Variants in RAB30 observed in about 807,000 individuals in gnomAD.
The protein encoded by RAB30 is RAB30, member RAS oncogene family.
A neutral mutation model predicts 25.1 loss-of-function variants in RAB30; 9 were observed. That is an observed-to-expected ratio of 0.36 (90% CI 0.22 to 0.63). The LOEUF (loss-of-function observed/expected upper bound fraction) is 0.63. Among genes scored for constraint, RAB30 ranks in the 20% least tolerant of loss-of-function variants. RAB30 has a pLI of 0.69. For synonymous variants in RAB30, 77 were observed against 86.4 expected, an observed-to-expected ratio of 0.89 and a Z score of 0.60; for missense variants, 140 against 243.5, an observed-to-expected ratio of 0.58 and a Z score of 2.83.
intron 1 of RAB30, among the ~76,000 whole-genome samples, chr11:83,063,985 T>C (rs1254364469): frequency 2.0e-5 from 3 of 152,158 alleles, no homozygotes; most frequent in Admixed American, 6.5e-5. Context: ...CTAGTACACA[T>C]ATGGGGAAAA....
intron 1 of RAB30, among the ~76,000 whole-genome samples, chr11:83,060,793 GT>G (rs1173451236): frequency 6.6e-6 from 1 of 152,136 alleles, no homozygotes; most frequent in Non-Finnish European, 1.5e-5. Context: ...CTGCAAGACT[GT>G]TTCCAGAGGA....
chr11:83,016,622 T>C (rs1347980192), intron 1 of RAB30, among the ~76,000 whole-genome samples: 1 of 152,116 alleles, frequency 6.6e-6, no homozygotes, highest in Non-Finnish European at 1.5e-5. Flanking sequence ...ACAAATAACA[T>C]TGGTAGGCAG....
chr11:82,986,307 G>T (rs1015022191), intron 4 of RAB30, among the ~76,000 whole-genome samples: 19 of 152,264 alleles, frequency 1.2e-4, no homozygotes, highest in African/African-American at 4.6e-4. Flanking sequence ...TGTAGAAGGG[G>T]ATTCACTATA....
At chr11:83,003,917 G>A (rs1397763173) in intron 1 of RAB30, among the ~76,000 whole-genome samples, 2 of 152,054 alleles carry the variant, frequency 1.3e-5, no homozygotes, top group African/African-American at 4.8e-5. Flanking sequence ...TTCAACATTT[G>A]TTCATATGAC....
chr11:83,008,270 C>T (rs935862315), intron 1 of RAB30, among the ~76,000 whole-genome samples: 5 of 152,190 alleles, frequency 3.3e-5, no homozygotes, highest in African/African-American at 1.2e-4. Flanking sequence ...GATGTCTTCT[C>T]CCTGTTGGAA....
chr11:83,032,183 C>T (rs1051429959), intron 1 of RAB30, among the ~76,000 whole-genome samples: 3 of 152,164 alleles, frequency 2.0e-5, no homozygotes, highest in East Asian at 1.9e-4. Context: ...ACTGACTTCC[C>T]CATTAGAGCC....
chr11:82,990,561 A>G (rs1856830425), intron 3 of RAB30, among the ~76,000 whole-genome samples: 2 of 152,230 alleles, frequency 1.3e-5, no homozygotes, highest in Admixed American at 1.3e-4. Context: ...CAGATGGTTG[A>G]AGAAACAAAT....
At chr11:83,033,534 T>A (rs576288841) in intron 1 of RAB30, among the ~76,000 whole-genome samples, 5 of 152,330 alleles carry the variant, frequency 3.3e-5, no homozygotes, top group African/African-American at 1.2e-4. Flanking sequence ...GAGCTTTACA[T>A]AATTTATCTC....
chr11:83,012,571 C>A (rs2121495911), intron 1 of RAB30, among the ~76,000 whole-genome samples: 1 of 152,202 alleles, frequency 6.6e-6, no homozygotes, highest in African/African-American at 2.4e-5. Context: ...TTTTTAAGAA[C>A]AAATTCAATA....
At chr11:83,052,116 T>C (rs368882570) in intron 1 of RAB30, among the ~76,000 whole-genome samples, 3 of 152,356 alleles carry the variant, frequency 2.0e-5, no homozygotes, top group African/African-American at 7.2e-5. Flanking sequence ...GCAGGCCTCC[T>C]GCTCAATTTC....
At chr11:82,999,334 G>A (rs1425199395) in intron 1 of RAB30, among the ~76,000 whole-genome samples, 3 of 152,170 alleles carry the variant, frequency 2.0e-5, no homozygotes, top group Non-Finnish European at 4.4e-5. Context: ...AAAAAATGGA[G>A]CCAGAGAGAC....
chr11:82,975,034 G>A lies in RAB30; in HGVS notation c.*7131C>T, dbSNP rs1234142149. 11 of 150,640 alleles carry A rather than the reference G, an allele frequency of 7.3e-5. No homozygotes were observed. Among genetic ancestry groups the A allele is most frequent in the Admixed American group, 7.3e-4 (11 of 15,078 alleles). 9.3% of individuals were successfully genotyped at this position (150,640 alleles called of 1,614,324 possible). On this transcript the variant is annotated 3_prime_UTR_variant, in exon 5 of 5. Coordinates refer to ENST00000527633, the MANE Select transcript of RAB30 (RefSeq NM_001286060.2). ...GTAGCTCCCTTATATACTATCAAAG[G>A]AGCTCCAACCATCTGGTATGTCTGG... is the stretch of plus-strand genomic sequence containing the variant.
chr11:82,988,345 A>T (rs2121443598), intron 3 of RAB30, among the ~76,000 whole-genome samples: 1 of 152,374 alleles, frequency 6.6e-6, no homozygotes, highest in South Asian at 2.1e-4. Context: ...GACTGTTGGC[A>T]TTTAATCAGC....
At chr11:83,015,772 T>C (rs1326357430) in intron 1 of RAB30, among the ~76,000 whole-genome samples, 1 of 152,112 alleles carries the variant, frequency 6.6e-6, no homozygotes, top group Non-Finnish European at 1.5e-5. Context: ...AGGAAGAGAA[T>C]CAAGAAGTAG....
At chr11:83,033,714 T>C (rs1374221398) in intron 1 of RAB30, among the ~76,000 whole-genome samples, 1 of 152,032 alleles carries the variant, frequency 6.6e-6, no homozygotes, top group African/African-American at 2.4e-5. Context: ...CAAAACTGAA[T>C]CCTCTGCTAC....
chr11:83,000,678 A>G (rs1018824813), intron 1 of RAB30, among the ~76,000 whole-genome samples: 4 of 152,220 alleles, frequency 2.6e-5, no homozygotes, highest in African/African-American at 9.6e-5. Flanking sequence ...GAGAATGTCA[A>G]AAGTAAAGAC....
At chr11:83,061,680 T>C (rs1191367649) in intron 1 of RAB30, among the ~76,000 whole-genome samples, 2 of 151,512 alleles carry the variant, frequency 1.3e-5, no homozygotes, top group Non-Finnish European at 2.9e-5. Flanking sequence ...TGTTTTTTGT[T>C]TTTTTAGGTG....
chr11:83,069,681 C>T lies in RAB30; in HGVS notation c.-9+2010G>A, dbSNP rs1032533829. On this transcript the variant is annotated intron_variant, in intron 1 of 4. Transcript: ENST00000527633. Reference sequence around the variant, plus strand: ...CAAGCCACTTGAAGACTACTTATTCCTTGGGAATTATGAGAACATTTCATG... The same window carrying T: ...CAAGCCACTTGAAGACTACTTATTCTTTGGGAATTATGAGAACATTTCATG... Among the ~76,000 whole-genome samples, 3 of 152,130 alleles carry T rather than the reference C, an allele frequency of 2.0e-5. No homozygotes were observed. In the East Asian group the frequency reaches 5.8e-4, roughly 29 times the overall value.
intron 1 of RAB30, among the ~76,000 whole-genome samples, chr11:83,028,205 T>C (rs967355182): frequency 2.0e-5 from 3 of 152,202 alleles, no homozygotes; most frequent in African/African-American, 7.2e-5. Flanking sequence ...AAAGAGCTCT[T>C]AGACATTGAC....
Sources: allele counts gnomAD v4.1 joint callset (sites outside exome capture counted in the v4.1 genomes callset), GRCh38; gene constraint gnomAD v4.1.1; transcripts MANE v1.5; gene names NCBI Gene and HGNC (gene_info 2026-07-23, HGNC 2026-07-21).